The following ANO3 variants were observed in gnomAD, a reference collection of about 807,000 sequenced individuals.
ANO3 encodes anoctamin 3, also known as anoctamin-3.
A neutral mutation model predicts 144.8 loss-of-function variants in ANO3; 99 were observed. The observed-to-expected ratio is 0.68, with a 90% CI of 0.58 to 0.81. The LOEUF is 0.81. Ranked by LOEUF, ANO3 falls within the 30% of genes least tolerant of loss-of-function variation. ANO3 has a pLI of 0.00. For missense variants in ANO3, 905 were observed against 1,202.2 expected, an observed-to-expected ratio of 0.75 and a Z score of 3.66; for synonymous variants, 414 against 392.6, an observed-to-expected ratio of 1.05 and a Z score of -0.64.
In ANO3 at chr11:26,396,083, A is replaced by T. The variant is rs545087011; in HGVS notation, c.47-45835A>T. Among the ~76,000 whole-genome samples, 7 of 152,262 alleles carry T rather than the reference A, an allele frequency of 4.6e-5. No homozygotes were observed. In the South Asian group the frequency reaches 1.2e-3, roughly 27 times the overall value. On this transcript the variant is annotated intron_variant, in intron 1 of 26. Coordinates refer to ENST00000256737, the MANE Select transcript of ANO3 (RefSeq NM_031418.4). ...AATATCCAGAACTACAAAGAACTTA[A>T]ACAAATTTACAAGAAAAAAACAACC...
intron 17 of ANO3, among the ~76,000 whole-genome samples, chr11:26,615,409 TATATA>T (rs1323417435): frequency 5.1e-5 from 5 of 98,204 alleles, no homozygotes; most frequent in African/African-American, 2.2e-4. Flanking sequence ...TATATATATA[TATATA>T]TTTTTTTTTT....
At chr11:26,464,957 C>G (rs1859544350) in intron 4 of ANO3, among the ~76,000 whole-genome samples, 1 of 151,708 alleles carries the variant, frequency 6.6e-6, no homozygotes, top group Admixed American at 6.6e-5. Flanking sequence ...TAAAGTTTAT[C>G]TACAAGTGAA....
At chr11:26,367,658 C>A (rs1466923379) in intron 1 of ANO3, among the ~76,000 whole-genome samples, 3 of 152,088 alleles carry the variant, frequency 2.0e-5, no homozygotes, top group African/African-American at 7.2e-5. Flanking sequence ...CATAGAAATA[C>A]TTGAGGCTGG....
intron 13 of ANO3, 28 bp from the exon 14 acceptor site, chr11:26,559,691 C>T (rs751651926): frequency 6.5e-7 from 1 of 1,544,070 alleles, no homozygotes; most frequent in South Asian, 1.1e-5. Flanking sequence ...ATTTGCATGA[C>T]TAATATTTCT....
intron 1 of ANO3, among the ~76,000 whole-genome samples, chr11:26,400,882 A>G (rs1857130858): frequency 6.6e-6 from 1 of 151,800 alleles, no homozygotes; most frequent in African/African-American, 2.4e-5. Flanking sequence ...ACAAACATAT[A>G]TATATAAATT....
At chr11:26,268,963 C>T (rs1435974821) in intron 1 of ANO3, among the ~76,000 whole-genome samples, 1 of 152,142 alleles carries the variant, frequency 6.6e-6, no homozygotes, top group Non-Finnish European at 1.5e-5. Context: ...CCCTAAAACT[C>T]ACAGACTCAG....
At chr11:26,305,060 A>G (rs1314605542), upstream of ANO3, among the ~76,000 whole-genome samples, 1 of 151,862 alleles carries the variant, frequency 6.6e-6, no homozygotes, top group Non-Finnish European at 1.5e-5. Flanking sequence ...CATTTTACAG[A>G]GATAGAAATT....
At chr11:26,365,979 TATATATATATATATATATATA>T (rs1253571242) in intron 1 of ANO3, among the ~76,000 whole-genome samples, 528 of 25,002 alleles carry the variant, frequency 0.021, 13 homozygotes, top group African/African-American at 0.039. Context: ...TATATATATA[TATATATATATATATATATATA>T]TATTTTAATT....
intron 1 of ANO3, among the ~76,000 whole-genome samples, chr11:26,206,283 A>G (rs1851793716): frequency 1.3e-5 from 2 of 152,164 alleles, no homozygotes. Flanking sequence ...AGTTAATCCA[A>G]CCATCTTCAA....
intron 1 of ANO3, among the ~76,000 whole-genome samples, chr11:26,298,374 A>T (rs1391209397): frequency 6.6e-6 from 1 of 152,156 alleles, no homozygotes; most frequent in Non-Finnish European, 1.5e-5. Context: ...GTATATTTTA[A>T]GCTAACAAAT....
At chr11:26,268,942 A>G (rs1853376498) in intron 1 of ANO3, among the ~76,000 whole-genome samples, 2 of 152,180 alleles carry the variant, frequency 1.3e-5, no homozygotes. Context: ...CACATGTACA[A>G]ATATGACTTT....
intron 20 of ANO3, among the ~76,000 whole-genome samples, chr11:26,635,314 C>T (rs1852920243): frequency 6.6e-6 from 1 of 151,842 alleles, no homozygotes; most frequent in African/African-American, 2.4e-5. Flanking sequence ...TTACAGACCC[C>T]AGGAATTTAG....
chr11:26,550,029 T>C (rs1447697603), intron 12 of ANO3, among the ~76,000 whole-genome samples: 1 of 151,772 alleles, frequency 6.6e-6, no homozygotes, highest in Non-Finnish European at 1.5e-5. Flanking sequence ...AATATCCCAG[T>C]TAGATATCCC....
rs184716014 is a variant in ANO3 at position 26,313,102 on chromosome 11, C to T, written c.-3+3383C>T. Among the ~76,000 whole-genome samples the T allele has an allele frequency of 9.2e-5, 14 of 152,110 alleles. No individual in the cohort carries two copies. The East Asian group carries it at 2.7e-3, about 29-fold the overall frequency. On this transcript the variant is annotated intron_variant, in intron 1 of 26. Coordinates refer to the ANO3 transcript ENST00000525139. ...CAATCTTTGCACAAGTCATTTTATTCGTTGGATAAAAGGTGAGTACCTAGC... is the reference window on the plus strand; with the variant it reads ...CAATCTTTGCACAAGTCATTTTATTTGTTGGATAAAAGGTGAGTACCTAGC...
intron 6 of ANO3, among the ~76,000 whole-genome samples, chr11:26,523,043 G>A (rs1324289208): frequency 6.6e-6 from 1 of 152,144 alleles, no homozygotes; most frequent in Non-Finnish European, 1.5e-5. Context: ...GGCTGGAAAG[G>A]CCTTGGAAAG....
intron 18 of ANO3, among the ~76,000 whole-genome samples, chr11:26,633,128 T>G (rs1238752374): frequency 6.6e-6 from 1 of 152,222 alleles, no homozygotes; most frequent in Non-Finnish European, 1.5e-5. Flanking sequence ...TTAAATGAGA[T>G]CCTATCTATT....
At chr11:26,349,634 C>A (rs1026633732) in intron 1 of ANO3, among the ~76,000 whole-genome samples, 1 of 152,002 alleles carries the variant, frequency 6.6e-6, no homozygotes. Context: ...CTGCAAGCTC[C>A]GCCTCCCGGG....
intron 3 of ANO3, among the ~76,000 whole-genome samples, chr11:26,453,296 ACAGTCAAGACC>A (rs1257325801): frequency 2.0e-5 from 3 of 151,424 alleles, no homozygotes; most frequent in Non-Finnish European, 1.5e-5. Context: ...AATTGGATAA[ACAGTCAAGACC>A]CATCAGTGTG....
At chr11:26,630,603 CT>C (rs1370880441) in intron 18 of ANO3, among the ~76,000 whole-genome samples, 1 of 152,210 alleles carries the variant, frequency 6.6e-6, no homozygotes, top group Non-Finnish European at 1.5e-5. Flanking sequence ...ATTACATACT[CT>C]CTAGCTTGTA....
Sources: gnomAD v4.1 joint callset for allele counts (sites outside exome capture counted in the v4.1 genomes callset) on GRCh38, gnomAD v4.1.1 for gene constraint, MANE v1.5 for transcripts, NCBI Gene and HGNC (gene_info 2026-07-23, HGNC 2026-07-21) for gene names.